Variants in NFIB observed in about 807,000 individuals in gnomAD.
NFIB encodes the protein nuclear factor 1 B-type.
In NFIB, 11 loss-of-function variants were observed where a neutral mutation model predicts 61.5. The ratio of observed to expected loss-of-function variants is 0.18; its 90% CI spans 0.11 to 0.30. The LOEUF (loss-of-function observed/expected upper bound fraction) is 0.30. Among genes scored for constraint, NFIB ranks in the 10% least tolerant of loss-of-function variants. The pLI, the probability that NFIB is intolerant of heterozygous loss-of-function variation, is 1.00. For missense variants in NFIB, 471 were observed against 608.9 expected (o/e 0.77, Z 2.38); for synonymous variants, 260 against 216.5 (o/e 1.20, Z -1.76).
At chr9:14,485,887 C>CA in the NFIB span, among the ~76,000 whole-genome samples, 43 of 150,716 alleles carry the variant, frequency 2.9e-4, 1 homozygote, top group African/African-American at 9.5e-4. Flanking sequence ...AAACAAAACA[C>CA]AAAAAAACAA....
chr9:14,523,107 G>A, the NFIB span, among the ~76,000 whole-genome samples: 1 of 151,976 alleles, frequency 6.6e-6, no homozygotes, highest in African/African-American at 2.4e-5. Flanking sequence ...TTTTTCAGGG[G>A]CCTCCAGAGT....
At chr9:14,338,652 T>C (rs543382049) in intron 1 of NFIB, among the ~76,000 whole-genome samples, 51 of 152,196 alleles carry the variant, frequency 3.4e-4, no homozygotes, top group Non-Finnish European at 5.9e-4. Context: ...ACCTAGCTCA[T>C]CACCTCAGCT....
chr9:14,404,211 T>A, the NFIB span, among the ~76,000 whole-genome samples: 1 of 152,164 alleles, frequency 6.6e-6, no homozygotes, highest in African/African-American at 2.4e-5. Context: ...GTATTTAGGT[T>A]TAAACAACCC....
At chr9:14,273,756 C>T (rs1197150226) in intron 2 of NFIB, among the ~76,000 whole-genome samples, 3 of 152,108 alleles carry the variant, frequency 2.0e-5, no homozygotes, top group African/African-American at 4.8e-5. Flanking sequence ...AATCTCAGCA[C>T]GCATCTCCAC....
the NFIB span, among the ~76,000 whole-genome samples, chr9:14,420,445 CAAA>C: frequency 3.3e-3 from 139 of 42,424 alleles, no homozygotes; most frequent in African/African-American, 0.012. Context: ...GACTCCGTCT[CAAA>C]AAAAAAAAAA....
intron 2 of NFIB, among the ~76,000 whole-genome samples, chr9:14,208,687 A>G (rs2050006153): frequency 6.6e-6 from 1 of 151,956 alleles, no homozygotes; most frequent in African/African-American, 2.4e-5. Flanking sequence ...AGTTTCCCTC[A>G]TTTTAGGTAC....
At chr9:14,174,453 G>A (rs1283054579) in intron 3 of NFIB, among the ~76,000 whole-genome samples, 2 of 152,118 alleles carry the variant, frequency 1.3e-5, no homozygotes, top group Admixed American at 6.6e-5. Flanking sequence ...GACATGAGAA[G>A]GAATAGACAT....
At chr9:14,462,499 G>C in the NFIB span, among the ~76,000 whole-genome samples, 48 of 152,072 alleles carry the variant, frequency 3.2e-4, no homozygotes, top group African/African-American at 1.1e-3. Context: ...AGCCAGGATG[G>C]TCTGGATCTC....
chr9:14,218,908 G>C (rs928689928), intron 2 of NFIB, among the ~76,000 whole-genome samples: 2 of 151,954 alleles, frequency 1.3e-5, no homozygotes, highest in Non-Finnish European at 2.9e-5. Context: ...CTTACTCTTC[G>C]AAGTACCACA....
chr9:14,416,564 A>C, the NFIB span, among the ~76,000 whole-genome samples: 1 of 152,120 alleles, frequency 6.6e-6, no homozygotes, highest in Non-Finnish European at 1.5e-5. Flanking sequence ...TTACAGAATA[A>C]TAATATAAAG....
At chr9:14,092,968 A>G (rs562669552) in intron 10 of NFIB, among the ~76,000 whole-genome samples, 45 of 152,232 alleles carry the variant, frequency 3.0e-4, no homozygotes, top group African/African-American at 1.0e-3. Context: ...CAGCCATACC[A>G]ACATTTTCTG....
At chr9:14,117,605 A>G (rs2038329004) in intron 8 of NFIB, among the ~76,000 whole-genome samples, 1 of 152,178 alleles carries the variant, frequency 6.6e-6, no homozygotes, top group Non-Finnish European at 1.5e-5. Context: ...TGTGACTTAG[A>G]GACATGAACT....
chr9:14,167,062 C>T (rs1178365539), intron 3 of NFIB, among the ~76,000 whole-genome samples: 1 of 112,030 alleles, frequency 8.9e-6, no homozygotes, highest in Non-Finnish European at 1.7e-5. Context: ...TCACCAAGGG[C>T]ATATTGTTGT....
rs147137827 is a variant in NFIB, at chr9:14,313,339, G to A, written c.30+143C>T. The stretch of plus-strand genomic sequence containing the variant: ...GCTCCCGGCTCCCACGCCGCCCCGC[G>A]ACGCCCGCTGCAACTCCGGGCCACT... On this transcript the variant is annotated intron_variant, in intron 1 of 10. Transcript: ENST00000380953. The surrounding 1 kb of genome is among the most constrained non-coding windows in gnomAD (Gnocchi z 4.5). 7,794 of 1,180,688 alleles carry A rather than the reference G, an allele frequency of 6.6e-3. 43 individuals are homozygous for A. Among genetic ancestry groups the A allele is most frequent in the Non-Finnish European group, 7.2e-3 (6,243 of 871,264 alleles). The allele number at this position is 1,180,688 out of a possible 1,614,324, so 73.1% of individuals were successfully genotyped here.
At chr9:14,242,906 T>C (rs938914370) in intron 2 of NFIB, among the ~76,000 whole-genome samples, 2 of 152,236 alleles carry the variant, frequency 1.3e-5, no homozygotes, top group African/African-American at 4.8e-5. Flanking sequence ...TGAATATATA[T>C]GTACTGAAAA....
At chr9:14,438,889 G>T in the NFIB span, among the ~76,000 whole-genome samples, 2 of 152,150 alleles carry the variant, frequency 1.3e-5, no homozygotes, top group Non-Finnish European at 2.9e-5. Flanking sequence ...GAGGGACATG[G>T]GGTGGAGAGA....
At chr9:14,429,246 G>A in the NFIB span, among the ~76,000 whole-genome samples, 3 of 152,144 alleles carry the variant, frequency 2.0e-5, no homozygotes, top group African/African-American at 7.2e-5. Flanking sequence ...GGAAGGGAAG[G>A]GGAGTACTGG....
At chr9:14,249,602 C>T (rs2055346643) in intron 2 of NFIB, among the ~76,000 whole-genome samples, 1 of 151,656 alleles carries the variant, frequency 6.6e-6, no homozygotes, top group Non-Finnish European at 1.5e-5. Flanking sequence ...ATGATTATTG[C>T]ATATCATTGT....
At chr9:14,499,630 T>A in the NFIB span, among the ~76,000 whole-genome samples, 1 of 152,178 alleles carries the variant, frequency 6.6e-6, no homozygotes, top group African/African-American at 2.4e-5. Context: ...TCTTTGGATA[T>A]GGAAAATAAT....
Sources: gnomAD v4.1 joint callset for allele counts (sites outside exome capture counted in the v4.1 genomes callset) on GRCh38, gnomAD v4.1.1 for gene constraint, Gnocchi (gnomAD v3.1) non-coding constraint, MANE v1.5 for transcripts, NCBI Gene and HGNC (gene_info 2026-07-23, HGNC 2026-07-21) for gene names.